The following TOX variants were observed in gnomAD, a reference collection of about 807,000 sequenced individuals.
The protein encoded by TOX is thymocyte selection associated high mobility group box.
A neutral mutation model predicts 53.7 loss-of-function variants in TOX; 11 were observed. The observed-to-expected ratio is 0.20, with a 90% CI of 0.13 to 0.34. The LOEUF (loss-of-function observed/expected upper bound fraction) is 0.34, where lower values mean the gene tolerates loss of function less well. Among genes scored for constraint, TOX ranks in the 10% least tolerant of loss-of-function variants. The pLI, the probability that TOX is intolerant of heterozygous loss-of-function variation, is 1.00. For synonymous variants in TOX, 225 were observed against 245.3 expected (o/e 0.92, Z 0.77); for missense variants, 570 against 664.6 (o/e 0.86, Z 1.56).
At chr8:59,059,927 T>C (rs1187809442) in intron 1 of TOX, among the ~76,000 whole-genome samples, 4 of 152,048 alleles carry the variant, frequency 2.6e-5, no homozygotes, top group African/African-American at 9.7e-5. Flanking sequence ...AAAAATCTTT[T>C]AGAAAGAAAA....
chr8:58,854,170 A>C (rs147036336), intron 3 of TOX, among the ~76,000 whole-genome samples: 2 of 152,274 alleles, frequency 1.3e-5, no homozygotes, highest in African/African-American at 4.8e-5. Flanking sequence ...ACTTCAACTA[A>C]ATGATCTTTC....
At chr8:58,890,739 G>A (rs1043791724) in intron 3 of TOX, among the ~76,000 whole-genome samples, 23 of 152,258 alleles carry the variant, frequency 1.5e-4, no homozygotes, top group Non-Finnish European at 2.2e-4. Context: ...CCCTGGACGG[G>A]ATGGATGTTC....
chr8:58,981,542 T>C (rs1014875585), intron 1 of TOX, among the ~76,000 whole-genome samples: 1 of 152,234 alleles, frequency 6.6e-6, no homozygotes, highest in African/African-American at 2.4e-5. Flanking sequence ...TTAATTCCAC[T>C]ATACAATAAT....
intron 2 of TOX, among the ~76,000 whole-genome samples, chr8:58,957,922 A>AT (rs1314539559): frequency 1.3e-5 from 2 of 152,202 alleles, no homozygotes; most frequent in South Asian, 2.1e-4. Context: ...AACACACACT[A>AT]TTACAGTAAA....
At chr8:59,096,706 G>T (rs544299589) in intron 1 of TOX, among the ~76,000 whole-genome samples, 1 of 152,072 alleles carries the variant, frequency 6.6e-6, no homozygotes, top group Non-Finnish European at 1.5e-5. Flanking sequence ...GGAGAGACTC[G>T]CCTATGATTC....
Position 58,838,329 on chromosome 8 carries a change from A to C in TOX, c.694-18T>G. On this transcript the variant is annotated intron_variant, in intron 4 of 8. Transcript: ENST00000361421. ...CCATTGATCTGAAAGAGAAATCAAA[A>C]TAGAATTATAGGGGGACTGAGACAA... 1.9e-6 allele frequency: 3 copies of C among 1,599,792 alleles called. No individual in the cohort carries two copies. The highest frequency in any genetic ancestry group is 2.6e-6 in the Non-Finnish European group (3 of 1,169,870).
At chr8:58,817,501 G>A (rs186421898) in intron 6 of TOX, among the ~76,000 whole-genome samples, 3 of 151,968 alleles carry the variant, frequency 2.0e-5, no homozygotes, top group South Asian at 2.1e-4. Flanking sequence ...TGGGTTAATC[G>A]AGCCTGTGTA....
chr8:58,891,435 G>C (rs912659234), intron 3 of TOX, among the ~76,000 whole-genome samples: 3 of 152,106 alleles, frequency 2.0e-5, no homozygotes, highest in Non-Finnish European at 4.4e-5. Context: ...TGCTTTATGT[G>C]TTCAGCCCTA....
intron 1 of TOX, among the ~76,000 whole-genome samples, chr8:58,984,796 A>C (rs948495087): frequency 6.6e-6 from 1 of 151,104 alleles, no homozygotes; most frequent in African/African-American, 2.4e-5. Context: ...AAAAAAAAAA[A>C]AAAAAAAAAA....
intron 2 of TOX, among the ~76,000 whole-genome samples, chr8:58,955,053 C>T (rs1160223340): frequency 1.3e-5 from 2 of 152,150 alleles, no homozygotes; most frequent in East Asian, 1.9e-4. Flanking sequence ...TATACATGCT[C>T]TTCAATTTTA....
rs141311937 is a variant in TOX at position 59,063,990 on chromosome 8, A to C, written c.102+54896T>G. Among the ~76,000 whole-genome samples, 910 of 152,152 alleles carry C rather than the reference A, an allele frequency of 6.0e-3. 17 individuals are homozygous for C. The highest frequency in any genetic ancestry group is 0.021 in the African/African-American group (871 of 41,500). On this transcript the variant is annotated intron_variant, in intron 1 of 8. Coordinates refer to ENST00000361421, the MANE Select transcript of TOX (RefSeq NM_014729.3). ...TTCCTCGAGGACCAATGTTGTGCTA[A>C]ATGTACTAAAGAGAGAATAAAAGAC...
chr8:59,057,152 T>C (rs1048316519), intron 1 of TOX, among the ~76,000 whole-genome samples: 9 of 152,182 alleles, frequency 5.9e-5, no homozygotes, highest in African/African-American at 2.2e-4. Context: ...CCTTGAGCAC[T>C]ACATATTAAT....
chr8:58,821,795 C>A (rs1048516717), intron 6 of TOX, among the ~76,000 whole-genome samples: 2 of 152,138 alleles, frequency 1.3e-5, no homozygotes, highest in African/African-American at 2.4e-5. Flanking sequence ...CATGGAAACC[C>A]TAAGATGTAG....
chr8:58,861,166 G>A (rs1355986352), intron 3 of TOX, among the ~76,000 whole-genome samples: 1 of 152,200 alleles, frequency 6.6e-6, no homozygotes, highest in African/African-American at 2.4e-5. Context: ...TGGGCAACAG[G>A]CAAAGTTTAC....
At chr8:58,946,521 G>T (rs1264015637) in intron 2 of TOX, among the ~76,000 whole-genome samples, 1 of 152,128 alleles carries the variant, frequency 6.6e-6, no homozygotes, top group Admixed American at 6.6e-5. Flanking sequence ...AGCAAGAATT[G>T]TCCAACAGTG....
At chr8:58,915,985 G>C (rs1472504589) in intron 3 of TOX, among the ~76,000 whole-genome samples, 10 of 59,418 alleles carry the variant, frequency 1.7e-4, no homozygotes, top group Admixed American at 1.5e-3. Context: ...AATGAAGCGA[G>C]AAGGGAAGTT....
rs191650036 is a variant in TOX at position 59,039,956 on chromosome 8, T to G, written c.102+78930A>C. ...CAAAATGTTATACTCATTAAAAATATAATAATTCCAATGTTCCTTGCTTAA... is the reference window on the plus strand; with the variant it reads ...CAAAATGTTATACTCATTAAAAATAGAATAATTCCAATGTTCCTTGCTTAA... On this transcript the variant is annotated intron_variant, in intron 1 of 8. Coordinates refer to ENST00000361421, the MANE Select transcript of TOX (RefSeq NM_014729.3). Among the ~76,000 whole-genome samples, 19 of 152,330 alleles carry G rather than the reference T, an allele frequency of 1.2e-4. No homozygotes were observed. In the East Asian group the frequency reaches 3.1e-3, roughly 25 times the overall value.
At chr8:59,018,354 T>G (rs1226829745) in intron 1 of TOX, among the ~76,000 whole-genome samples, 1 of 152,154 alleles carries the variant, frequency 6.6e-6, no homozygotes, top group Non-Finnish European at 1.5e-5. Flanking sequence ...TTCCTCTCCC[T>G]TTTGTCCCCT....
intron 3 of TOX, among the ~76,000 whole-genome samples, chr8:58,922,811 C>T (rs1373058814): frequency 1.3e-5 from 2 of 152,208 alleles, no homozygotes; most frequent in African/African-American, 4.8e-5. Flanking sequence ...CCAGTGACAA[C>T]TCATTTTATA....
Sources: allele counts gnomAD v4.1 joint callset (sites outside exome capture counted in the v4.1 genomes callset), GRCh38; gene constraint gnomAD v4.1.1; transcripts MANE v1.5; gene names NCBI Gene and HGNC (gene_info 2026-07-23, HGNC 2026-07-21).